The following CIMIP7 variants were observed in gnomAD, a reference collection of about 807,000 sequenced individuals.
CIMIP7 encodes uncharacterized protein C3orf84.
chr3:49,186,656 G>C, the CIMIP7 span, among the ~76,000 whole-genome samples: 1 of 152,166 alleles, frequency 6.6e-6, no homozygotes, highest in African/African-American at 2.4e-5. Flanking sequence ...GCCTGCCTTG[G>C]CCTCCCAAAG....
the CIMIP7 span, among the ~76,000 whole-genome samples, chr3:49,181,232 C>T: frequency 6.6e-6 from 1 of 151,340 alleles, no homozygotes; most frequent in East Asian, 1.9e-4. Flanking sequence ...ATCCCAGCTA[C>T]TCGAAAGGCT....
chr3:49,189,873 G>A, the CIMIP7 span: 1 of 764,166 alleles, frequency 1.3e-6, no homozygotes, highest in South Asian at 1.4e-5. Flanking sequence ...TGTCTGTAGG[G>A]GAAAGATCTG....
the CIMIP7 span, chr3:49,178,537 T>C: frequency 1.2e-6 from 2 of 1,613,198 alleles, no homozygotes; most frequent in Non-Finnish European, 1.7e-6. Flanking sequence ...CTGCGCCGGC[T>C]CCTTGAAAGA....
chr3:49,184,144 C>G, the CIMIP7 span, among the ~76,000 whole-genome samples: 2 of 152,098 alleles, frequency 1.3e-5, no homozygotes, highest in Non-Finnish European at 2.9e-5. Flanking sequence ...ACCACAGGTG[C>G]ATGCCATCAT....
At chr3:49,177,746 C>G in the CIMIP7 span, 1 of 1,609,252 alleles carries the variant, frequency 6.2e-7, no homozygotes. Flanking sequence ...TCAGGCAGTA[C>G]GTCAGTGACC....
the CIMIP7 span, chr3:49,178,380 G>T: frequency 9.5e-7 from 1 of 1,057,338 alleles, no homozygotes; most frequent in Non-Finnish European, 1.4e-6. Context: ...TTCATAAGGA[G>T]CCCTCCCTCA....
chr3:49,183,654 C>T, the CIMIP7 span, among the ~76,000 whole-genome samples: 9 of 152,152 alleles, frequency 5.9e-5, no homozygotes, highest in East Asian at 1.5e-3. Flanking sequence ...GACTCTGTCT[C>T]GAAAACAAAA....
At chr3:49,188,632 G>T in the CIMIP7 span, among the ~76,000 whole-genome samples, 1 of 151,988 alleles carries the variant, frequency 6.6e-6, no homozygotes, top group African/African-American at 2.4e-5. Context: ...CCTCCCCCTT[G>T]TCCCCCTTTG....
At chr3:49,188,823 AG>A in the CIMIP7 span, among the ~76,000 whole-genome samples, 2 of 151,972 alleles carry the variant, frequency 1.3e-5, no homozygotes, top group Non-Finnish European at 2.9e-5. Flanking sequence ...TTTGAGACCG[AG>A]TCTCACTCTG....
the CIMIP7 span, among the ~76,000 whole-genome samples, chr3:49,185,815 C>T: frequency 6.6e-6 from 1 of 151,082 alleles, no homozygotes; most frequent in Admixed American, 6.6e-5. Flanking sequence ...CTCAGCCTCC[C>T]AAGTAGTTTG....
chr3:49,178,464 CCT>C, the CIMIP7 span: 1 of 1,612,264 alleles, frequency 6.2e-7, no homozygotes. Flanking sequence ...TGCCATTCTT[CCT>C]GTCTTCGGCA....
chr3:49,189,124 C>T, the CIMIP7 span, among the ~76,000 whole-genome samples: 1 of 152,130 alleles, frequency 6.6e-6, no homozygotes, highest in Admixed American at 6.6e-5. Flanking sequence ...CATGCGCCAC[C>T]AAGCCCAGCT....
At chr3:49,186,966 G>A in the CIMIP7 span, among the ~76,000 whole-genome samples, 454 of 152,230 alleles carry the variant, frequency 3.0e-3, 18 homozygotes, top group East Asian at 0.072. Flanking sequence ...ATAAAATCTA[G>A]GAGTCTGGGG....
chr3:49,191,233 A>G, the CIMIP7 span, among the ~76,000 whole-genome samples: 3 of 152,346 alleles, frequency 2.0e-5, no homozygotes, highest in East Asian at 3.9e-4. Flanking sequence ...TAACAGGACT[A>G]GAAAGCCTCA....
chr3:49,186,496 C>T, the CIMIP7 span, among the ~76,000 whole-genome samples: 3 of 151,924 alleles, frequency 2.0e-5, no homozygotes, highest in African/African-American at 4.8e-5. Flanking sequence ...CTCCGCCTCC[C>T]GGGTTCACAC....
the CIMIP7 span, among the ~76,000 whole-genome samples, chr3:49,181,609 GATC>G: frequency 6.6e-6 from 1 of 152,232 alleles, no homozygotes; most frequent in South Asian, 2.1e-4. Context: ...AATGAGCCAT[GATC>G]GTGCCACTGC....
the CIMIP7 span, chr3:49,189,957 G>A: frequency 8.8e-7 from 1 of 1,142,172 alleles, no homozygotes; most frequent in African/African-American, 1.5e-5. Flanking sequence ...CTGGGATGAT[G>A]CTTTTGGGTT....
chr3:49,179,995 G>A, the CIMIP7 span, among the ~76,000 whole-genome samples: 65 of 152,232 alleles, frequency 4.3e-4, no homozygotes, highest in East Asian at 0.011. Flanking sequence ...AAAATTAGCC[G>A]GGCTTGGTGG....
At chr3:49,190,370 G>A in the CIMIP7 span, among the ~76,000 whole-genome samples, 1 of 152,164 alleles carries the variant, frequency 6.6e-6, no homozygotes, top group Non-Finnish European at 1.5e-5. Flanking sequence ...ACCCACCTGG[G>A]CTATGCATGT....
Sources: allele counts gnomAD v4.1 joint callset (sites outside exome capture counted in the v4.1 genomes callset), GRCh38; gene constraint gnomAD v4.1.1; transcripts MANE v1.5; gene names NCBI Gene and HGNC (gene_info 2026-07-23, HGNC 2026-07-21).